SPIRE2: variants seen among roughly 807,000 people sequenced by gnomAD.
SPIRE2 encodes protein spire homolog 2.
In SPIRE2, 76 loss-of-function variants were observed where a neutral mutation model predicts 80.7. The observed-to-expected ratio is 0.94, with a 90% CI of 0.78 to 1.14. The LOEUF is 1.14. Ranked by LOEUF, SPIRE2 falls within the 50% of genes most tolerant of loss-of-function variation. SPIRE2 has a pLI of 0.00. For synonymous variants in SPIRE2, 535 were observed against 432.6 expected, an observed-to-expected ratio of 1.24 and a Z score of -2.94; for missense variants, 1,196 against 1,015.3, an observed-to-expected ratio of 1.18 and a Z score of -2.42.
chr16:89,828,760 C>T lies in SPIRE2; in HGVS notation c.210C>T (p.Asp70=), dbSNP rs2041350785. The T allele has an allele frequency of 1.7e-6, 2 of 1,194,028 alleles. No individual in the cohort carries two copies. The highest frequency in any genetic ancestry group is 4.5e-5 in the Admixed American group (1 of 22,374). 74.0% of individuals were successfully genotyped at this position (1,194,028 alleles called of 1,614,324 possible). The change falls in exon 1 of 15, where the codon GAC becomes GAT. Residue 70 remains aspartate, a synonymous_variant. Transcript: ENST00000378247. This position sits in a 1 kb window ranked among gnomAD's most constrained non-coding sequence, Gnocchi z 5.9. ...RDTGDLLLRG[D]GSVGAREPEA... ...CCGGGGACCTCCTGCTGCGCGGGGA[C>T]GGCTCGGTCGGGGCGCGGGAGCCCG... is the stretch of plus-strand genomic sequence containing the variant.
At chr16:89,855,778 TGGCC>T in intron 6 of SPIRE2, 92 bp downstream of exon 6, 1 of 1,312,114 alleles carries the variant, frequency 7.6e-7, no homozygotes, top group Admixed American at 2.0e-5. Context: ...CGTCTTCCTG[TGGCC>T]AGCCTGGGAG....
chr16:89,857,843 T>C (rs1439208173), intron 7 of SPIRE2, among the ~76,000 whole-genome samples: 4 of 150,570 alleles, frequency 2.7e-5, no homozygotes, highest in Non-Finnish European at 4.4e-5. Context: ...GTGCAGGGAT[T>C]ACAGGCGTGA....
chr16:89,869,053 A>AAAAAT, intron 13 of SPIRE2, among the ~76,000 whole-genome samples: 1 of 24,036 alleles, frequency 4.2e-5, no homozygotes, highest in African/African-American at 1.6e-4. Context: ...AAAAAAAAAA[A>AAAAAT]ATATATATAT....
intron 1 of SPIRE2, among the ~76,000 whole-genome samples, chr16:89,837,956 G>A (rs1329971274): frequency 1.3e-5 from 2 of 152,140 alleles, no homozygotes; most frequent in Non-Finnish European, 2.9e-5. Context: ...CTGGTTTCGT[G>A]CGGGCGTTTC....
rs148030912 is a variant in SPIRE2, at chr16:89,854,315, G to A, written c.675G>A (p.Pro225=). 2.0e-5 allele frequency: 33 copies of A among 1,612,502 alleles called. No homozygotes were observed. In the Admixed American group the frequency reaches 2.7e-4, roughly 13 times the overall value. ...TGCAGAAGCTTCGGGAGGACGAGCC[G>A]CATCTGGAGACGCCTCGGGCAGAGC... ...EMLQKLREDE[P]HLETPRAELD... is the part of the protein sequence containing the mutation. Residue 225 remains proline (P), a synonymous_variant, in exon 4 of 15, where the codon CCG becomes CCA. Transcript: ENST00000378247.
At position 89,857,136 on chromosome 16, in the gene SPIRE2, C is replaced by CTT. The variant is rs59968762; in HGVS notation, c.1102+917_1102+918dup. ...ACAAGGCCATTGGAATTTCCTATAT[C>CTT]TTTTTTTTTTTTTTTTTTGAGATAG... is the stretch of plus-strand genomic sequence containing the variant. On this transcript the variant is annotated intron_variant, in intron 7 of 14. Coordinates refer to ENST00000378247, the MANE Select transcript of SPIRE2 (RefSeq NM_032451.2). Among the ~76,000 whole-genome samples, 928 of 122,870 alleles carry CTT rather than the reference C, an allele frequency of 7.6e-3. 17 individuals carry two copies. The highest frequency in any genetic ancestry group is 0.022 in the African/African-American group (733 of 33,190). 80.6% of individuals were successfully genotyped at this position (122,870 alleles called of 152,430 possible). A position where few individuals can be genotyped will look rare whatever the true frequency, so the allele number is the denominator to read the frequency against.
In SPIRE2 at chr16:89,845,306, C is replaced by G. The variant is rs1242908662; in HGVS notation, c.245-16C>G. 1 of 1,613,782 alleles carries G rather than the reference C, an allele frequency of 6.2e-7. No individual in the cohort carries two copies. Among genetic ancestry groups the G allele is most frequent in the Non-Finnish European group, 8.5e-7 (1 of 1,179,686 alleles). On this transcript the variant is annotated splice_polypyrimidine_tract_variant and intron_variant, in intron 1 of 14. Transcript: ENST00000378247. ...GGGGATGCTGACAAATAACTTAACT[C>G]CCTCTTCTCTTACAGAACCTGCAAC...
chr16:89,847,710 C>T (rs1277234341), intron 2 of SPIRE2, among the ~76,000 whole-genome samples: 1 of 152,222 alleles, frequency 6.6e-6, no homozygotes, highest in African/African-American at 2.4e-5. Context: ...CTGCCCCAGG[C>T]CTGCACCTGC....
In SPIRE2 at chr16:89,851,588, G is replaced by C. The variant is rs373344191; in HGVS notation, c.645+928G>C. Among the ~76,000 whole-genome samples the C allele has an allele frequency of 6.6e-4, 100 of 152,208 alleles. 1 individual carries two copies. The highest frequency in any genetic ancestry group is 1.1e-3 in the Admixed American group (17 of 15,292). ...GCTCCCAAGCCGGAGCTCTCCCCTG[G>C]GCCTCCTATCTCTCCGTGGACTCAG... is the stretch of plus-strand genomic sequence containing the variant. On this transcript the variant is annotated intron_variant, in intron 3 of 14. Transcript: ENST00000378247.
Position 89,854,363 on chromosome 16 carries a change from C to G in SPIRE2, c.723C>G (p.Asp241Glu). 1 of 1,612,328 alleles carries G rather than the reference C, an allele frequency of 6.2e-7. No homozygotes were observed. Among genetic ancestry groups the G allele is most frequent in the African/African-American group, 1.3e-5 (1 of 75,066 alleles). The change falls in exon 4 of 15, where the codon GAC (aspartate) becomes GAG (glutamate). Residue 241 changes from aspartate to glutamate, a missense_variant. Coordinates refer to ENST00000378247, the MANE Select transcript of SPIRE2 (RefSeq NM_032451.2). ...AGCTGGACAGCCTGGGTCACACAGA[C>G]TGGGTAAGGCTCACTCCCACCTGAC... is the stretch of plus-strand genomic sequence containing the variant. Reference protein sequence around the residue: ...RAELDSLGHTDWARLWVQLMR... With the variant: ...RAELDSLGHTEWARLWVQLMR...
chr16:89,866,701 C>T (rs1057267562), intron 12 of SPIRE2, among the ~76,000 whole-genome samples: 4 of 151,578 alleles, frequency 2.6e-5, no homozygotes, highest in Non-Finnish European at 5.9e-5. Flanking sequence ...CTCCACCTCC[C>T]GGGTTCACGC....
At chr16:89,869,053 A>AAACAAACATATATAT in intron 13 of SPIRE2, among the ~76,000 whole-genome samples, 9 of 24,032 alleles carry the variant, frequency 3.7e-4, no homozygotes, top group African/African-American at 1.5e-3. Flanking sequence ...AAAAAAAAAA[A>AAACAAACATATATAT]ATATATATAT....
chr16:89,868,371 G>A (rs1193763880), intron 13 of SPIRE2, among the ~76,000 whole-genome samples, 155 bp downstream of exon 13: 1 of 152,224 alleles, frequency 6.6e-6, no homozygotes, highest in Non-Finnish European at 1.5e-5. Flanking sequence ...ATAGTGTGCA[G>A]TTTTTAAAGA....
intron 3 of SPIRE2, among the ~76,000 whole-genome samples, chr16:89,853,711 G>A (rs145570753): frequency 1.3e-5 from 2 of 152,214 alleles, no homozygotes; most frequent in East Asian, 1.9e-4. Context: ...CACCGAGATC[G>A]TGCGTGACGG....
In SPIRE2 at chr16:89,860,697, A is replaced by G; in HGVS notation, c.1477A>G (p.Ser493Gly). The G allele has an allele frequency of 6.3e-7, 1 of 1,591,738 alleles. No individual in the cohort carries two copies. The highest frequency in any genetic ancestry group is 8.6e-7 in the Non-Finnish European group (1 of 1,169,492). The change falls in exon 10 of 15, where the codon AGT becomes GGT. Residue 493 changes from serine (S) to glycine (G), a missense_variant. Ser to Gly is a moderately conservative substitution (Grantham distance 56). Coordinates refer to ENST00000378247, the MANE Select transcript of SPIRE2 (RefSeq NM_032451.2). The stretch of plus-strand genomic sequence containing the variant: ...CTCTCCCCCAGGTACCTGTCCCGCG[A>G]GTGTCTCTGACCCCAGCCACCCCCT... ...GSRDQGTCPA[S>G]VSDPSHPLLS...
Position 89,863,228 on chromosome 16 carries a change from A to G in SPIRE2, c.1576-248A>G, listed in dbSNP as rs1389229087. 12 of 552,580 alleles carry G rather than the reference A, an allele frequency of 2.2e-5. No homozygotes were observed. Among genetic ancestry groups the G allele is most frequent in the Non-Finnish European group, 3.9e-5 (12 of 307,724 alleles). The allele number at this position is 552,580 out of a possible 1,614,324, so 34.2% of individuals were successfully genotyped here. On this transcript the variant is annotated intron_variant, in intron 10 of 14. Coordinates refer to ENST00000378247, the MANE Select transcript of SPIRE2 (RefSeq NM_032451.2). This position sits in a 1 kb window ranked among gnomAD's most constrained non-coding sequence, Gnocchi z 4.3. ...CATGGGCTGAGGGGAGTTTGTGTGG[A>G]GCGTGGCCAGTGAAGGCTGGGCTGG...
chr16:89,850,704 G>T, intron 3 of SPIRE2, 44 bp downstream of exon 3: 1 of 1,360,370 alleles, frequency 7.4e-7, no homozygotes, highest in South Asian at 1.5e-5. Flanking sequence ...CGGGAGGCCA[G>T]GGAGGGGAGC....
At chr16:89,845,559 C>T (rs1329315941) in intron 2 of SPIRE2, 194 bp downstream of exon 2, 25 of 714,602 alleles carry the variant, frequency 3.5e-5, no homozygotes, top group South Asian at 1.8e-4. Flanking sequence ...AGGAGACCGC[C>T]GGGGTGGGGA....
At chr16:89,847,285 T>C (rs371602838) in intron 2 of SPIRE2, 1 of 152,336 alleles carries the variant, frequency 6.6e-6, no homozygotes, top group South Asian at 2.1e-4. Context: ...CTATACGTAG[T>C]GTCCTGGGAC....
Sources: allele counts gnomAD v4.1 joint callset (sites outside exome capture counted in the v4.1 genomes callset), GRCh38; gene constraint gnomAD v4.1.1; non-coding constraint Gnocchi (gnomAD v3.1); transcripts MANE v1.5; gene names NCBI Gene and HGNC (gene_info 2026-07-23, HGNC 2026-07-21).